The following SSBP2 variants were observed in gnomAD, a reference collection of about 807,000 sequenced individuals.
The protein encoded by SSBP2 is single-stranded DNA-binding protein 2.
In SSBP2, 17 loss-of-function variants were observed where a neutral mutation model predicts 61.8. The ratio of observed to expected loss-of-function variants is 0.28; its 90% CI spans 0.19 to 0.41. The LOEUF (loss-of-function observed/expected upper bound fraction) is 0.41, where lower values mean the gene tolerates loss of function less well. Among genes scored for constraint, SSBP2 ranks in the 10% least tolerant of loss-of-function variants. SSBP2 has a pLI of 1.00. For missense variants in SSBP2, 310 were observed against 458.7 expected (o/e 0.68, Z 2.96); for synonymous variants, 139 against 141.3 (o/e 0.98, Z 0.12).
intron 4 of SSBP2, among the ~76,000 whole-genome samples, chr5:81,565,206 A>C (rs1773332028): frequency 6.6e-6 from 1 of 152,230 alleles, no homozygotes; most frequent in Non-Finnish European, 1.5e-5. Context: ...AAACAGTCCA[A>C]TAATGGAGCA....
At chr5:81,596,315 A>G (rs542484797) in intron 4 of SSBP2, among the ~76,000 whole-genome samples, 1,505 of 146,304 alleles carry the variant, frequency 0.01, 37 homozygotes, top group African/African-American at 0.036. Flanking sequence ...AGAACTACAA[A>G]CCACTGCTCA....
chr5:81,711,841 G>T (rs921085103), intron 1 of SSBP2, among the ~76,000 whole-genome samples: 3 of 151,930 alleles, frequency 2.0e-5, no homozygotes, highest in Admixed American at 6.6e-5. Flanking sequence ...TAGCCATGTT[G>T]ACTATGGAAA....
chr5:81,453,613 C>T (rs1473049095), intron 10 of SSBP2, among the ~76,000 whole-genome samples: 7 of 151,860 alleles, frequency 4.6e-5, no homozygotes, highest in African/African-American at 9.7e-5. Context: ...CCCGCCACCT[C>T]GCCTGGCTAA....
chr5:81,427,974 T>A lies in SSBP2; in HGVS notation c.1056+611A>T, dbSNP rs146899864. ...CTTGAGAAAAGGCACCATTTTGTCTTTTTGGTCTCTCCAATACCTAGCATA... is the reference window on the plus strand; with the variant it reads ...CTTGAGAAAAGGCACCATTTTGTCTATTTGGTCTCTCCAATACCTAGCATA... On this transcript the variant is annotated intron_variant, in intron 16 of 16. Coordinates refer to ENST00000320672, the MANE Select transcript of SSBP2 (RefSeq NM_012446.5). Among the ~76,000 whole-genome samples the A allele has an allele frequency of 9.8e-5, 15 of 152,338 alleles. No homozygotes were observed. In the East Asian group the frequency reaches 2.9e-3, roughly 29 times the overall value.
At chr5:81,448,023 T>C (rs1318148962) in intron 11 of SSBP2, 1 of 152,196 alleles carries the variant, frequency 6.6e-6, no homozygotes, top group Non-Finnish European at 1.5e-5. Flanking sequence ...TCTTATGCGT[T>C]CTTTTTTTCC....
chr5:81,453,005 T>C (rs1164115801), intron 10 of SSBP2, among the ~76,000 whole-genome samples: 1 of 149,064 alleles, frequency 6.7e-6, no homozygotes, highest in African/African-American at 2.5e-5. Flanking sequence ...CAATTAAGAA[T>C]GGGTGGAGAC....
intron 2 of SSBP2, among the ~76,000 whole-genome samples, chr5:81,644,788 C>A (rs1418597308): frequency 6.6e-6 from 1 of 152,028 alleles, no homozygotes; most frequent in Non-Finnish European, 1.5e-5. Flanking sequence ...GTACAAGAAC[C>A]CTAAGCACCC....
chr5:81,687,183 A>G (rs558425182), intron 1 of SSBP2, among the ~76,000 whole-genome samples: 1 of 152,210 alleles, frequency 6.6e-6, no homozygotes, highest in Non-Finnish European at 1.5e-5. Flanking sequence ...AATCTGTGCC[A>G]TTGTGGGAGG....
At chr5:81,428,967 T>C (rs886428008) in intron 15 of SSBP2, among the ~76,000 whole-genome samples, 5 of 151,904 alleles carry the variant, frequency 3.3e-5, no homozygotes, top group South Asian at 4.1e-4. Flanking sequence ...CCTCAGCTTA[T>C]AGAGTTCCTA....
chr5:81,723,793 T>C (rs968823927), intron 1 of SSBP2, among the ~76,000 whole-genome samples: 1 of 151,976 alleles, frequency 6.6e-6, no homozygotes, highest in Non-Finnish European at 1.5e-5. Context: ...GTATATATCA[T>C]TACCAAGACA....
Position 81,467,599 on chromosome 5 carries a change from T to C in SSBP2, c.571-558A>G, listed in dbSNP as rs75379590. Among the ~76,000 whole-genome samples, 332 of 152,168 alleles carry C rather than the reference T, an allele frequency of 2.2e-3. 6 individuals are homozygous for C. The East Asian group carries it at 0.063, about 29-fold the overall frequency. ...ATTCAAAATACGTATGCATGAATTA[T>C]ATGACTCAATCAGCTTCTGTTAATA... On this transcript the variant is annotated intron_variant, in intron 8 of 16. Transcript: ENST00000320672.
At chr5:81,551,885 C>T (rs1002203664) in intron 4 of SSBP2, among the ~76,000 whole-genome samples, 4 of 152,126 alleles carry the variant, frequency 2.6e-5, no homozygotes, top group African/African-American at 7.2e-5. Flanking sequence ...TTAAATAGAT[C>T]TAAAGTAATT....
chr5:81,718,289 T>C (rs1386671044), intron 1 of SSBP2, among the ~76,000 whole-genome samples: 5 of 151,772 alleles, frequency 3.3e-5, no homozygotes, highest in Admixed American at 2.6e-4. Flanking sequence ...ACCACAGAGA[T>C]AGGATTCAGA....
intron 1 of SSBP2, among the ~76,000 whole-genome samples, chr5:81,733,977 T>C (rs1756433733): frequency 1.3e-5 from 2 of 152,144 alleles, no homozygotes; most frequent in South Asian, 2.1e-4. Flanking sequence ...ATGAAAAAAA[T>C]CAAAGGTAAC....
intron 1 of SSBP2, among the ~76,000 whole-genome samples, chr5:81,739,822 A>G (rs1221470011): frequency 1.3e-5 from 2 of 152,180 alleles, no homozygotes; most frequent in Admixed American, 6.5e-5. Flanking sequence ...TTCTATATAC[A>G]ATTATTATTC....
At chr5:81,552,602 C>T (rs1282889410) in intron 4 of SSBP2, among the ~76,000 whole-genome samples, 2 of 149,308 alleles carry the variant, frequency 1.3e-5, no homozygotes, top group African/African-American at 2.5e-5. Context: ...CACACCACTG[C>T]ACTCCAGCCT....
At chr5:81,728,944 G>A (rs996757945) in intron 1 of SSBP2, among the ~76,000 whole-genome samples, 7 of 152,152 alleles carry the variant, frequency 4.6e-5, no homozygotes, top group Middle Eastern at 3.4e-3. Context: ...TACTTATTGA[G>A]TCTTAAAAGT....
intron 11 of SSBP2, 90 bp downstream of exon 11, chr5:81,448,700 G>C (rs1417842615): frequency 4.6e-6 from 6 of 1,298,186 alleles, no homozygotes. Context: ...CAATACACAG[G>C]GGCTCTTCTT....
At chr5:81,635,633 G>A (rs1446278036) in intron 3 of SSBP2, among the ~76,000 whole-genome samples, 2 of 150,400 alleles carry the variant, frequency 1.3e-5, no homozygotes, top group Non-Finnish European at 2.9e-5. Context: ...GCCCAGGCTG[G>A]AGTGCAGTGG....
Sources: allele counts gnomAD v4.1 joint callset (sites outside exome capture counted in the v4.1 genomes callset), GRCh38; gene constraint gnomAD v4.1.1; transcripts MANE v1.5; gene names NCBI Gene and HGNC (gene_info 2026-07-23, HGNC 2026-07-21).